SMARCA2: variants seen among roughly 807,000 people sequenced by gnomAD.
The protein encoded by SMARCA2 is SWI/SNF-related matrix-associated actin-dependent regulator of chromatin subfamily A member 2.
A neutral mutation model predicts 199.8 loss-of-function variants in SMARCA2; 61 were observed. The observed-to-expected ratio is 0.31, with a 90% confidence interval of 0.25 to 0.38. The LOEUF (loss-of-function observed/expected upper bound fraction) is 0.38, where lower values mean the gene tolerates loss of function less well. Among genes scored for constraint, SMARCA2 ranks in the 10% least tolerant of loss-of-function variants. SMARCA2 has a pLI of 1.00. For missense variants in SMARCA2, 1,344 were observed against 2,012.2 expected, an observed-to-expected ratio of 0.67 and a Z score of 6.35; for synonymous variants, 935 against 732.0, an observed-to-expected ratio of 1.28 and a Z score of -4.48.
chr9:2,178,556 A>C (rs560192181), intron 29 of SMARCA2, among the ~76,000 whole-genome samples: 1 of 152,286 alleles, frequency 6.6e-6, no homozygotes, highest in East Asian at 1.9e-4. Flanking sequence ...TCTGTACTTA[A>C]AAAGGAAAAA....
At chr9:2,145,314 AAAAAAAAAAAAAAAAG>A (rs1390459752) in intron 27 of SMARCA2, among the ~76,000 whole-genome samples, 1 of 19,442 alleles carries the variant, frequency 5.1e-5, no homozygotes. Flanking sequence ...CAAAAAAAAA[AAAAAAAAAAAAAAAAG>A]AGAGAGAAAC....
intron 32 of SMARCA2, 88 bp downstream of exon 32, chr9:2,186,316 A>C: frequency 1.5e-6 from 2 of 1,372,384 alleles, no homozygotes; most frequent in Non-Finnish European, 2.0e-6. Context: ...GAGACTTTAG[A>C]GTGGGGCAGA....
chr9:2,190,539 CTACA>C (rs1341940028), intron 32 of SMARCA2, among the ~76,000 whole-genome samples: 4 of 152,096 alleles, frequency 2.6e-5, no homozygotes, highest in Non-Finnish European at 5.9e-5. Context: ...TTTGGGATAA[CTACA>C]TAAAGAATTC....
chr9:2,161,825 A>G lies in SMARCA2; in HGVS notation c.4121A>G (p.Glu1374Gly), dbSNP rs1464746594. The G allele has an allele frequency of 6.2e-7, 1 of 1,614,020 alleles. No individual in the cohort carries two copies. Among genetic ancestry groups the G allele is most frequent in the African/African-American group, 1.3e-5 (1 of 74,938 alleles). ...AAGAGAAGAGGCCGCCCTCCCGCTGAGAAACTGTCACCAAATCCCCCCAAA... is the reference window on the plus strand; with the variant it reads ...AAGAGAAGAGGCCGCCCTCCCGCTGGGAAACTGTCACCAAATCCCCCCAAA... ...AKKRRGRPPA[E>G]KLSPNPPKLT... Residue 1374 changes from glutamate (E) to glycine (G), a missense_variant, in exon 28 of 34, where the codon GAG becomes GGG. Glu to Gly is a moderately conservative substitution (Grantham distance 98). This residue lies in a region of SMARCA2 where 151 missense variants were observed against 154.0 expected (regional missense o/e 0.98). Coordinates refer to ENST00000349721, the MANE Select transcript of SMARCA2 (RefSeq NM_003070.5). The surrounding 1 kb of genome is among the most constrained non-coding windows in gnomAD (Gnocchi z 4.7).
At chr9:2,052,324 A>G (rs1820155820) in intron 5 of SMARCA2, among the ~76,000 whole-genome samples, 1 of 152,170 alleles carries the variant, frequency 6.6e-6, no homozygotes, top group African/African-American at 2.4e-5. Flanking sequence ...AAATACAAAA[A>G]TTAGCTGGGC....
rs749612771 is a variant in SMARCA2, at chr9:2,182,123, C to A, written c.4360-18C>A. On this transcript the variant is annotated intron_variant, in intron 30 of 33. Coordinates refer to ENST00000349721, the MANE Select transcript of SMARCA2 (RefSeq NM_003070.5). ...CTCTCCCTCTTTTTTTCTCCATTTTCTCCAAAATTTCCATCAGGAAAGGAT... is the reference window on the plus strand; with the variant it reads ...CTCTCCCTCTTTTTTTCTCCATTTTATCCAAAATTTCCATCAGGAAAGGAT... 4.0e-6 allele frequency: 6 copies of A among 1,508,386 alleles called. No homozygotes were observed. Among genetic ancestry groups the A allele is most frequent in the Non-Finnish European group, 5.5e-6 (6 of 1,086,262 alleles). 93.4% of individuals were successfully genotyped at this position (1,508,386 alleles called of 1,614,324 possible).
intron 9 of SMARCA2, among the ~76,000 whole-genome samples, chr9:2,064,966 C>T (rs1250385259): frequency 6.6e-6 from 1 of 152,154 alleles, no homozygotes; most frequent in Non-Finnish European, 1.5e-5. Context: ...GGGCGGATCA[C>T]GAAGTCAGGA....
chr9:2,150,069 C>T lies in SMARCA2; in HGVS notation c.3982-11617C>T, dbSNP rs753416798. Among the ~76,000 whole-genome samples, 3 of 151,384 alleles carry T rather than the reference C, an allele frequency of 2.0e-5. 1 individual carries two copies. The highest frequency in any genetic ancestry group is 3.0e-5 in the Non-Finnish European group (2 of 67,706). On this transcript the variant is annotated intron_variant, in intron 27 of 33. Transcript: ENST00000349721. Reference sequence around the variant, plus strand: ...GTACATACATGTATGTGAGTACATGCGTCTGTATCTATTGCTAACCAAATA... The same window carrying T: ...GTACATACATGTATGTGAGTACATGTGTCTGTATCTATTGCTAACCAAATA...
chr9:2,133,375 C>T (rs910341042), intron 27 of SMARCA2, among the ~76,000 whole-genome samples: 4 of 152,110 alleles, frequency 2.6e-5, no homozygotes, highest in African/African-American at 7.2e-5. Flanking sequence ...TCAAACTCCT[C>T]GGCTCAAGCA....
At chr9:2,189,868 T>C (rs1451155644) in intron 32 of SMARCA2, among the ~76,000 whole-genome samples, 1 of 151,796 alleles carries the variant, frequency 6.6e-6, no homozygotes, top group Non-Finnish European at 1.5e-5. Flanking sequence ...TTTGGAAATA[T>C]TTTGTGGGTC....
chr9:2,186,075 G>T (rs780204984), intron 31 of SMARCA2, 21 bp from the exon 32 acceptor site: 27 of 1,611,446 alleles, frequency 1.7e-5, no homozygotes, highest in African/African-American at 1.3e-5. Flanking sequence ...AGTTTTAACA[G>T]ATGCCCCTTT....
chr9:2,155,325 C>G (rs375180939), intron 27 of SMARCA2, among the ~76,000 whole-genome samples: 2 of 151,940 alleles, frequency 1.3e-5, no homozygotes, highest in East Asian at 1.9e-4. Flanking sequence ...CTCTGTTGCC[C>G]AGGCTGGAGT....
intron 8 of SMARCA2, among the ~76,000 whole-genome samples, chr9:2,060,118 C>CAAAAAAAAAAAAAAAAAAAAA (rs372329238): frequency 8.0e-5 from 5 of 62,388 alleles, no homozygotes; most frequent in African/African-American, 2.2e-4. Flanking sequence ...GATCTGTGGC[C>CAAAAAAAAAAAAAAAAAAAAA]AAAAAAAAAA....
At chr9:2,047,035 T>G (rs1220228933) in intron 4 of SMARCA2, among the ~76,000 whole-genome samples, 194 bp from the exon 5 acceptor site, 1 of 150,576 alleles carries the variant, frequency 6.6e-6, no homozygotes, top group African/African-American at 2.4e-5. Context: ...TTTTACCCCG[T>G]TCCCTGTCTT....
At chr9:2,155,547 C>T (rs1481902122) in intron 27 of SMARCA2, among the ~76,000 whole-genome samples, 1 of 152,118 alleles carries the variant, frequency 6.6e-6, no homozygotes, top group Non-Finnish European at 1.5e-5. Flanking sequence ...TCCCAAAGTG[C>T]TGGGATTACA....
chr9:2,142,082 C>A (rs548365305), intron 27 of SMARCA2, among the ~76,000 whole-genome samples: 1 of 152,278 alleles, frequency 6.6e-6, no homozygotes, highest in African/African-American at 2.4e-5. Context: ...GTTTCCCTCT[C>A]CTTGGTTGTC....
chr9:2,193,426 G>A lies in SMARCA2; in HGVS notation c.*687G>A, dbSNP rs1268574867. On this transcript the variant is annotated 3_prime_UTR_variant, in exon 34 of 34. Coordinates refer to ENST00000349721, the MANE Select transcript of SMARCA2 (RefSeq NM_003070.5). ...ATATTGCAATCTATATAGTGTATTG[G>A]ATGGCTTCTTTTGTCACCCTGATCT... is the stretch of plus-strand genomic sequence containing the variant. 1 of 152,586 alleles carries A rather than the reference G, an allele frequency of 6.6e-6. No individual in the cohort carries two copies. Among genetic ancestry groups the A allele is most frequent in the African/African-American group, 2.4e-5 (1 of 41,436 alleles). 9.5% of individuals were successfully genotyped at this position (152,586 alleles called of 1,614,324 possible).
chr9:2,176,376 T>A (rs1826605655), intron 29 of SMARCA2, among the ~76,000 whole-genome samples: 1 of 152,090 alleles, frequency 6.6e-6, no homozygotes, highest in African/African-American at 2.4e-5. Flanking sequence ...CAGAGTAGAT[T>A]ACCAAAAGTA....
intron 8 of SMARCA2, 71 bp from the exon 9 acceptor site, chr9:2,060,745 G>A: frequency 7.0e-7 from 1 of 1,426,684 alleles, no homozygotes; most frequent in Non-Finnish European, 9.8e-7. Flanking sequence ...GTCAAGGGGA[G>A]GACAGAGTGG....
Sources: gnomAD v4.1 joint callset for allele counts (sites outside exome capture counted in the v4.1 genomes callset) on GRCh38, gnomAD v4.1.1 for gene constraint, gnomAD v4.1.1 regional missense constraint, Gnocchi (gnomAD v3.1) non-coding constraint, MANE v1.5 for transcripts, NCBI Gene and HGNC (gene_info 2026-07-23, HGNC 2026-07-21) for gene names.